The following TTL variants were observed in gnomAD, a reference collection of about 807,000 sequenced individuals.
TTL encodes tubulin--tyrosine ligase.
TTL carries 10 observed loss-of-function variants against 41.1 expected under a neutral mutation model. The observed-to-expected ratio is 0.24, with a 90% CI of 0.15 to 0.41. TTL has a LOEUF of 0.41. TTL is among the 10% of genes least tolerant of loss of function. TTL has a pLI of 1.00. For synonymous variants in TTL, 175 were observed against 175.5 expected (o/e 1.00, Z 0.02); for missense variants, 367 against 460.4 (o/e 0.80, Z 1.86).
intron 2 of TTL, among the ~76,000 whole-genome samples, chr2:112,492,034 C>T (rs1681401669): frequency 6.6e-6 from 1 of 152,134 alleles, no homozygotes; most frequent in African/African-American, 2.4e-5. Context: ...GTATTTGTAG[C>T]TAGCACTGTA....
In TTL at chr2:112,485,969, A is replaced by G. The variant is rs758564280; in HGVS notation, c.210A>G (p.Lys70=). Residue 70 remains lysine, a synonymous_variant, in exon 2 of 7, where the codon AAA becomes AAG. Coordinates refer to ENST00000233336, the MANE Select transcript of TTL (RefSeq NM_153712.5). ...TGAATTACTACAGGGGTGCTGACAA[A>G]CTGTGTCGCAAAGCTTCTTTAGTGA... ...QLVNYYRGAD[K]LCRKASLVKL... 1 of 1,614,164 alleles carries G rather than the reference A, an allele frequency of 6.2e-7. No individual in the cohort carries two copies. The highest frequency in any genetic ancestry group is 1.1e-5 in the South Asian group (1 of 91,080).
chr2:112,528,716 A>C lies in TTL; in HGVS notation c.1055A>C (p.Asp352Ala), dbSNP rs1305038264. The change falls in exon 7 of 7, where the codon GAC (aspartate) becomes GCC (alanine). Residue 352 changes from aspartate (D) to alanine (A), a missense_variant. By Grantham distance (126) the Asp-to-Ala change is moderately radical. Coordinates refer to ENST00000233336, the MANE Select transcript of TTL (RefSeq NM_153712.5). ...GCAGAACTGTGCCAAGGCATCGTGG[A>C]CATAGCCATTTCCAGTGTCTTCCCA... is the stretch of plus-strand genomic sequence containing the variant. ...LYAELCQGIVDIAISSVFPPP... is the reference protein window; with the variant it reads ...LYAELCQGIVAIAISSVFPPP... The C allele has an allele frequency of 6.2e-7, 1 of 1,614,198 alleles. No homozygotes were observed. The highest frequency in any genetic ancestry group is 1.1e-5 in the South Asian group (1 of 91,088).
intron 2 of TTL, among the ~76,000 whole-genome samples, chr2:112,486,442 A>G (rs1009918096): frequency 6.6e-6 from 1 of 152,190 alleles, no homozygotes; most frequent in Non-Finnish European, 1.5e-5. Context: ...TGGCTGTGGG[A>G]AGAGATGGAG....
In TTL at chr2:112,539,811, TAA is replaced by T. The variant is rs1346048555; in HGVS notation, c.*11018_*11019del. ...AATCCACTTACGCTGTTAGAACTAA[TAA>T]AGAGTTTAGCAAGATTGCCAGACAC... is the stretch of plus-strand genomic sequence containing the variant. On this transcript the variant is annotated 3_prime_UTR_variant, in exon 7 of 7. Coordinates refer to ENST00000233336, the MANE Select transcript of TTL (RefSeq NM_153712.5). The T allele has an allele frequency of 6.6e-6, 1 of 152,174 alleles. No homozygotes were observed. The highest frequency in any genetic ancestry group is 2.4e-5 in the African/African-American group (1 of 41,442). 9.4% of individuals were successfully genotyped at this position (152,174 alleles called of 1,614,324 possible).
In TTL at chr2:112,482,217, G is replaced by C. The variant is rs1378696825; in HGVS notation, c.-128G>C. 1 of 629,918 alleles carries C rather than the reference G, an allele frequency of 1.6e-6. No homozygotes were observed. The highest frequency in any genetic ancestry group is 2.0e-6 in the Non-Finnish European group (1 of 508,556). The allele number at this position is 629,918 out of a possible 1,614,324, so 39.0% of individuals were successfully genotyped here. A position where few individuals can be genotyped will look rare whatever the true frequency, so the allele number is the denominator to read the frequency against. On this transcript the variant is annotated 5_prime_UTR_variant, in exon 1 of 7. Coordinates refer to ENST00000233336, the MANE Select transcript of TTL (RefSeq NM_153712.5). The surrounding 1 kb of genome is among the most constrained non-coding windows in gnomAD (Gnocchi z 5.3). ...GGCGCCGCCGGCACCCGAGAGGCGC[G>C]GTAGCCGGCGCGGGCGGCGGGGGCC...
chr2:112,515,764 G>A (rs780705267), intron 5 of TTL, among the ~76,000 whole-genome samples: 4 of 151,978 alleles, frequency 2.6e-5, no homozygotes, highest in Non-Finnish European at 4.4e-5. Flanking sequence ...TGGCTAACAC[G>A]GTGAAACCTC....
At chr2:112,528,088 A>T (rs1452075930) in intron 6 of TTL, among the ~76,000 whole-genome samples, 1 of 152,138 alleles carries the variant, frequency 6.6e-6, no homozygotes, top group African/African-American at 2.4e-5. Flanking sequence ...GTTTGGCTGG[A>T]TATGAAATTC....
intron 5 of TTL, among the ~76,000 whole-genome samples, chr2:112,519,527 T>G (rs1427305281): frequency 6.6e-6 from 1 of 150,482 alleles, no homozygotes; most frequent in Non-Finnish European, 1.5e-5. Context: ...GAACTAGAAC[T>G]AGCGACATCG....
At chr2:112,499,832 C>CA (rs910941615) in intron 3 of TTL, among the ~76,000 whole-genome samples, 7 of 151,934 alleles carry the variant, frequency 4.6e-5, no homozygotes, top group Admixed American at 2.0e-4. Context: ...CCCAGCTCTA[C>CA]AAAAAAAATA....
intron 5 of TTL, among the ~76,000 whole-genome samples, chr2:112,509,967 A>G (rs962286566): frequency 7.2e-5 from 11 of 152,018 alleles, no homozygotes; most frequent in African/African-American, 2.7e-4. Context: ...GCTTGGACAG[A>G]TTGACTAAAC....
At chr2:112,518,062 G>T (rs1682118124) in intron 5 of TTL, among the ~76,000 whole-genome samples, 1 of 151,920 alleles carries the variant, frequency 6.6e-6, no homozygotes, top group Non-Finnish European at 1.5e-5. Context: ...CCACGTTCAA[G>T]CGATTCTCCT....
intron 2 of TTL, among the ~76,000 whole-genome samples, chr2:112,493,326 C>T (rs1681442159): frequency 6.6e-6 from 1 of 150,486 alleles, no homozygotes; most frequent in East Asian, 2.0e-4. Flanking sequence ...CCAGTTAAGA[C>T]TTGGGGGTTT....
Position 112,536,148 on chromosome 2 carries a change from TCTG to T in TTL, c.*7357_*7359del, listed in dbSNP as rs1313597181. On this transcript the variant is annotated 3_prime_UTR_variant, in exon 7 of 7. Coordinates refer to ENST00000233336, the MANE Select transcript of TTL (RefSeq NM_153712.5). ...GCAATATATTTTCTTTATCCATTCA[TCTG>T]CTGATGGACACTTAGGTCGCTTCCA... The T allele has an allele frequency of 6.6e-6, 1 of 152,236 alleles. No individual in the cohort carries two copies. Among genetic ancestry groups the T allele is most frequent in the Non-Finnish European group, 1.5e-5 (1 of 68,074 alleles). 9.4% of individuals were successfully genotyped at this position (152,236 alleles called of 1,614,324 possible). A position where few individuals can be genotyped will look rare whatever the true frequency, so the allele number is the denominator to read the frequency against.
intron 4 of TTL, among the ~76,000 whole-genome samples, chr2:112,501,746 A>G (rs1559014222): frequency 6.6e-6 from 1 of 151,974 alleles, no homozygotes; most frequent in Non-Finnish European, 1.5e-5. Flanking sequence ...AGGCACCTGT[A>G]ATCCCATCTA....
In TTL at chr2:112,537,325, C is replaced by T. The variant is rs1380113221; in HGVS notation, c.*8530C>T. The T allele has an allele frequency of 6.6e-6, 1 of 152,372 alleles. No homozygotes were observed. Among genetic ancestry groups the T allele is most frequent in the Non-Finnish European group, 1.5e-5 (1 of 68,142 alleles). 9.4% of individuals were successfully genotyped at this position (152,372 alleles called of 1,614,324 possible). A position where few individuals can be genotyped will look rare whatever the true frequency, so the allele number is the denominator to read the frequency against. On this transcript the variant is annotated 3_prime_UTR_variant, in exon 7 of 7. Coordinates refer to ENST00000233336, the MANE Select transcript of TTL (RefSeq NM_153712.5). ...TGAACTCCTGACCTCAGGTGATCGA[C>T]CTGCCTCAGCCTCCCAAAGTGCTGG... is the stretch of plus-strand genomic sequence containing the variant.
At chr2:112,486,370 C>T (rs1681239550) in intron 2 of TTL, among the ~76,000 whole-genome samples, 1 of 152,222 alleles carries the variant, frequency 6.6e-6, no homozygotes, top group Admixed American at 6.5e-5. Flanking sequence ...GTGAATGGCA[C>T]CTCAGAGTTG....
chr2:112,520,369 C>T lies in TTL; in HGVS notation c.963C>T (p.Val321=), dbSNP rs144678474. 6.8e-6 allele frequency: 11 copies of T among 1,614,012 alleles called. No homozygotes were observed. In the African/African-American group the frequency reaches 1.1e-4, roughly 16 times the overall value. ...SFQLFGFDFM[V]DEELKVWLIE... is the part of the protein sequence containing the mutation. ...AGCTCTTCGGCTTTGACTTCATGGT[C>T]GATGAGGAGCTGAAGGTGTGGCTCA... Residue 321 remains valine, a synonymous_variant, in exon 6 of 7, where the codon GTC becomes GTT. Coordinates refer to ENST00000233336, the MANE Select transcript of TTL (RefSeq NM_153712.5).
intron 6 of TTL, among the ~76,000 whole-genome samples, chr2:112,525,657 A>G (rs1682353010): frequency 6.6e-6 from 1 of 152,178 alleles, no homozygotes; most frequent in Non-Finnish European, 1.5e-5. Flanking sequence ...ACTTTGCTGA[A>G]GTTGCTTATC....
At chr2:112,501,138 C>T (rs1681683079) in intron 3 of TTL, 68 bp from the exon 4 acceptor site, 2 of 1,509,648 alleles carry the variant, frequency 1.3e-6, no homozygotes, top group Non-Finnish European at 1.8e-6. Flanking sequence ...TTCGTATTTC[C>T]TTTCTGGATT....
Sources: gnomAD v4.1 joint callset for allele counts (sites outside exome capture counted in the v4.1 genomes callset) on GRCh38, gnomAD v4.1.1 for gene constraint, Gnocchi (gnomAD v3.1) non-coding constraint, MANE v1.5 for transcripts, NCBI Gene and HGNC (gene_info 2026-07-23, HGNC 2026-07-21) for gene names.